JAZF1: variants seen among roughly 807,000 people sequenced by gnomAD.
JAZF1 encodes JAZF zinc finger 1.
JAZF1 carries 8 observed loss-of-function variants against 26.4 expected under a neutral mutation model. The ratio of observed to expected loss-of-function variants is 0.30; its 90% CI spans 0.18 to 0.55. The LOEUF (loss-of-function observed/expected upper bound fraction) is 0.55. Among genes scored for constraint, JAZF1 ranks in the 20% least tolerant of loss-of-function variants. JAZF1 has a pLI of 0.94. For missense variants in JAZF1, 199 were observed against 322.0 expected (o/e 0.62, Z 2.92); for synonymous variants, 126 against 122.3 (o/e 1.03, Z -0.20).
At chr7:27,852,921 T>C (rs1313857031) in intron 3 of JAZF1, among the ~76,000 whole-genome samples, 1 of 152,256 alleles carries the variant, frequency 6.6e-6, no homozygotes, top group East Asian at 1.9e-4. Flanking sequence ...CTGGCTCTTT[T>C]GGTAATCCCC....
Position 27,832,768 on chromosome 7 carries a change from G to A in JAZF1, c.*32C>T, listed in dbSNP as rs1413229955. 2 of 1,435,380 alleles carry A rather than the reference G, an allele frequency of 1.4e-6. No homozygotes were observed. The highest frequency in any genetic ancestry group is 2.9e-5 in the African/African-American group (2 of 69,862). The allele number at this position is 1,435,380 out of a possible 1,614,324, so 88.9% of individuals were successfully genotyped here. A position where few individuals can be genotyped will look rare whatever the true frequency, so the allele number is the denominator to read the frequency against. On this transcript the variant is annotated 3_prime_UTR_variant, in exon 5 of 5. Transcript: ENST00000283928. ...GTTTTCAAAATCAGCAACTGCTGGT[G>A]AGGATTTCTTGGCACAGTTATGACC...
chr7:27,854,503 G>C (rs1783208633), intron 3 of JAZF1, among the ~76,000 whole-genome samples: 1 of 152,206 alleles, frequency 6.6e-6, no homozygotes, highest in Non-Finnish European at 1.5e-5. Flanking sequence ...GCAGTGGCTG[G>C]TAATAGTTTT....
chr7:27,939,756 G>A (rs1277836428), intron 2 of JAZF1, among the ~76,000 whole-genome samples: 1 of 152,186 alleles, frequency 6.6e-6, no homozygotes, highest in African/African-American at 2.4e-5. Flanking sequence ...TAGGGAGACT[G>A]GTTTTATAAC....
At chr7:27,901,313 C>T (rs184075014) in intron 2 of JAZF1, among the ~76,000 whole-genome samples, 1 of 152,262 alleles carries the variant, frequency 6.6e-6, no homozygotes, top group African/African-American at 2.4e-5. Flanking sequence ...ATTTTCAAGA[C>T]TCCATTATAA....
rs182608308 is a variant in JAZF1, at chr7:28,145,172, C to G, written c.115+35291G>C. Among the ~76,000 whole-genome samples the G allele has an allele frequency of 1.8e-3, 267 of 152,284 alleles. 1 individual carries two copies. The highest frequency in any genetic ancestry group is 6.3e-3 in the African/African-American group (260 of 41,576). On this transcript the variant is annotated intron_variant, in intron 1 of 4. Coordinates refer to ENST00000283928, the MANE Select transcript of JAZF1 (RefSeq NM_175061.4). ...AAAATAAACCTAGAGAGCTCCCATC[C>G]TTGATCCCTTCTAAACCGGATCCAC...
intron 1 of JAZF1, among the ~76,000 whole-genome samples, chr7:28,135,367 T>C (rs67250450): frequency 0.32 from 48,635 of 152,170 alleles, 9,847 homozygotes; most frequent in East Asian, 0.97. Context: ...TAGCACTAAA[T>C]ATATTGTTTA....
intron 2 of JAZF1, among the ~76,000 whole-genome samples, chr7:27,932,384 G>C (rs1784699361): frequency 6.6e-6 from 1 of 152,106 alleles, no homozygotes; most frequent in Non-Finnish European, 1.5e-5. Flanking sequence ...TGTTTGATAG[G>C]TGCTCCCACA....
intron 1 of JAZF1, among the ~76,000 whole-genome samples, chr7:28,071,205 T>C (rs550675634): frequency 1.2e-3 from 177 of 152,182 alleles, no homozygotes; most frequent in Non-Finnish European, 2.1e-3. Flanking sequence ...CGGAAGCCAG[T>C]GCACAGGGAG....
At chr7:27,846,719 C>G (rs1428965219) in intron 3 of JAZF1, among the ~76,000 whole-genome samples, 1 of 152,116 alleles carries the variant, frequency 6.6e-6, no homozygotes, top group Non-Finnish European at 1.5e-5. Flanking sequence ...TGATGCGCAC[C>G]TTTTCATATC....
intron 1 of JAZF1, among the ~76,000 whole-genome samples, chr7:28,030,467 C>T (rs1282963977): frequency 1.3e-5 from 2 of 152,176 alleles, no homozygotes; most frequent in Non-Finnish European, 2.9e-5. Flanking sequence ...GCAACGATGC[C>T]TTGACCAGGT....
At chr7:27,861,782 A>C (rs1365742435) in intron 3 of JAZF1, among the ~76,000 whole-genome samples, 1 of 152,190 alleles carries the variant, frequency 6.6e-6, no homozygotes, top group East Asian at 1.9e-4. Flanking sequence ...TCTGGTGCAT[A>C]GGTGGGTCTA....
intron 2 of JAZF1, among the ~76,000 whole-genome samples, chr7:27,900,184 C>A (rs556050275): frequency 6.6e-6 from 1 of 152,114 alleles, no homozygotes. Flanking sequence ...ATCTGGCAGC[C>A]GCCGTGTGCT....
chr7:27,987,495 C>T (rs915343552), intron 2 of JAZF1, among the ~76,000 whole-genome samples: 9 of 152,252 alleles, frequency 5.9e-5, no homozygotes, highest in South Asian at 2.1e-4. Context: ...GCAGCCCCCA[C>T]CCGGCCAGCC....
chr7:27,876,584 C>G (rs184809077), intron 3 of JAZF1, among the ~76,000 whole-genome samples: 10 of 152,274 alleles, frequency 6.6e-5, no homozygotes, highest in African/African-American at 2.4e-4. Context: ...GTAAGTTTTG[C>G]CAGCCTAGTT....
intron 1 of JAZF1, among the ~76,000 whole-genome samples, chr7:28,102,164 C>G (rs1271092018): frequency 1.3e-5 from 2 of 152,180 alleles, no homozygotes; most frequent in African/African-American, 4.8e-5. Flanking sequence ...ACAGCTTAGC[C>G]TGGGCTCAAA....
intron 1 of JAZF1, among the ~76,000 whole-genome samples, chr7:28,098,603 T>C (rs561823533): frequency 6.6e-6 from 1 of 152,294 alleles, no homozygotes; most frequent in Non-Finnish European, 1.5e-5. Flanking sequence ...AGAGTCTCCT[T>C]TATCTAAAGT....
chr7:27,906,036 T>C (rs1436541991), intron 2 of JAZF1, among the ~76,000 whole-genome samples: 1 of 152,240 alleles, frequency 6.6e-6, no homozygotes, highest in African/African-American at 2.4e-5. Context: ...TGTTTTCTAT[T>C]ATTATCATTG....
intron 1 of JAZF1, among the ~76,000 whole-genome samples, chr7:28,031,241 G>A (rs1002782315): frequency 2.0e-5 from 3 of 152,170 alleles, no homozygotes; most frequent in Non-Finnish European, 4.4e-5. Context: ...GGAAAGAGAA[G>A]AGTCTTTAGA....
At chr7:28,043,771 A>T (rs1456740324) in intron 1 of JAZF1, among the ~76,000 whole-genome samples, 3 of 152,112 alleles carry the variant, frequency 2.0e-5, no homozygotes, top group African/African-American at 7.2e-5. Flanking sequence ...AAAATGTAGT[A>T]TATTCTTACA....
Sources: allele counts gnomAD v4.1 joint callset (sites outside exome capture counted in the v4.1 genomes callset), GRCh38; gene constraint gnomAD v4.1.1; transcripts MANE v1.5; gene names NCBI Gene and HGNC (gene_info 2026-07-23, HGNC 2026-07-21).